Variants in HDGF observed in about 807,000 individuals in gnomAD.
The protein encoded by HDGF is hepatoma-derived growth factor.
A neutral mutation model predicts 30.0 loss-of-function variants in HDGF; 5 were observed. That is an observed-to-expected ratio of 0.17 (90% CI 0.09 to 0.35). The LOEUF is 0.35. Among genes scored for constraint, HDGF ranks in the 10% least tolerant of loss-of-function variants. The pLI is 1.00. For missense variants in HDGF, 214 were observed against 302.8 expected (o/e 0.71, Z 2.18); for synonymous variants, 133 against 112.7 (o/e 1.18, Z -1.14).
chr1:156,763,816 G>A (rs901494647), intron 1 of HDGF, among the ~76,000 whole-genome samples: 1 of 152,142 alleles, frequency 6.6e-6, no homozygotes, highest in African/African-American at 2.4e-5. Context: ...TCGAACTCCT[G>A]AGCTCAGGCA....
upstream of HDGF, chr1:156,751,914 C>T: frequency 9.8e-7 from 1 of 1,019,010 alleles, no homozygotes; most frequent in Non-Finnish European, 1.4e-6. The surrounding 1 kb of genome is among the most constrained non-coding windows in gnomAD (Gnocchi z 4.7). Flanking sequence ...AGGAGCCGAT[C>T]GCCGAGCACG....
At chr1:156,745,486 G>C (rs906005410) in intron 1 of HDGF, 113 bp from the exon 2 acceptor site, 6 of 843,034 alleles carry the variant, frequency 7.1e-6, no homozygotes, top group Non-Finnish European at 1.1e-5. Flanking sequence ...AGGGACCCAG[G>C]ATAGTCAGCA....
rs1004588025 is a variant in HDGF at position 156,745,044 on chromosome 1, G to T, written c.267C>A (p.Ile89=). The T allele has an allele frequency of 6.2e-7, 1 of 1,614,002 alleles. No individual in the cohort carries two copies. Among genetic ancestry groups the T allele is most frequent in the Non-Finnish European group, 8.5e-7 (1 of 1,180,018 alleles). Residue 89 remains isoleucine (I), a synonymous_variant, in exon 3 of 6, where the codon ATC becomes ATA. Transcript: ENST00000357325. ...RKGFSEGLWE[I]ENNPTVKASG... ...AAGCCTTGACAGTAGGGTTGTTCTC[G>T]ATCTCCCACAGCCCCTCGCTGAACC...
At chr1:156,753,005 C>T (rs1274130137), upstream of HDGF, among the ~76,000 whole-genome samples, 1 of 152,170 alleles carries the variant, frequency 6.6e-6, no homozygotes, top group Non-Finnish European at 1.5e-5. Flanking sequence ...ACTTGGACAA[C>T]CTCCTGAACT....
At chr1:156,759,377 TTACACAAATTGTGACACACCG>T (rs1463157139) in intron 1 of HDGF, among the ~76,000 whole-genome samples, 1 of 152,202 alleles carries the variant, frequency 6.6e-6, no homozygotes, top group Non-Finnish European at 1.5e-5. Context: ...ACTATTTCCT[TTACACAAATTGTGACACACCG>T]TATACACTTT....
At chr1:156,765,405 T>TTTTC (rs61168651) in intron 1 of HDGF, among the ~76,000 whole-genome samples, 5,680 of 148,842 alleles carry the variant, frequency 0.038, 421 homozygotes, top group African/African-American at 0.14. Context: ...CTTTATCCAT[T>TTTTC]TTTCTTTCTT....
chr1:156,758,020 G>A (rs1043683520), intron 2 of HDGF, among the ~76,000 whole-genome samples: 1 of 152,114 alleles, frequency 6.6e-6, no homozygotes, highest in Non-Finnish European at 1.5e-5. Context: ...AGATATGGCT[G>A]GGTGCGGTGG....
At chr1:156,763,021 A>G (rs1009976471) in intron 1 of HDGF, among the ~76,000 whole-genome samples, 2 of 152,176 alleles carry the variant, frequency 1.3e-5, no homozygotes, top group Non-Finnish European at 2.9e-5. Flanking sequence ...TGCCCAGCCA[A>G]TTACCTATGG....
intron 1 of HDGF, among the ~76,000 whole-genome samples, chr1:156,746,904 G>A (rs1021446181): frequency 5.9e-5 from 9 of 152,110 alleles, no homozygotes; most frequent in African/African-American, 2.2e-4. Flanking sequence ...GGGGCCTGGG[G>A]AGACAGGGTG....
At chr1:156,744,986 T>C in intron 3 of HDGF, 22 bp downstream of exon 3, 1 of 1,613,576 alleles carries the variant, frequency 6.2e-7, no homozygotes, top group South Asian at 1.1e-5. Flanking sequence ...CCAGGGGGTC[T>C]CTGGGGCAGG....
upstream of HDGF, chr1:156,755,790 T>G (rs74118758): frequency 1.3e-3 from 203 of 152,336 alleles, no homozygotes; most frequent in African/African-American, 3.9e-3. Context: ...GCATTCTGTG[T>G]GGAGTCAGAG....
intron 1 of HDGF, among the ~76,000 whole-genome samples, chr1:156,762,323 A>G (rs1194347497): frequency 6.6e-6 from 1 of 151,482 alleles, no homozygotes; most frequent in East Asian, 1.9e-4. Flanking sequence ...AGGCTGAGAC[A>G]GGAGGATTGC....
At chr1:156,746,653 A>G (rs1288042132) in intron 1 of HDGF, among the ~76,000 whole-genome samples, 1 of 151,994 alleles carries the variant, frequency 6.6e-6, no homozygotes, top group African/African-American at 2.4e-5. Flanking sequence ...TGGCCTCGCC[A>G]GCCTCTCCCA....
Position 156,761,233 on chromosome 1 carries a change from A to G in HDGF, n.137-2014T>C, listed in dbSNP as rs562373783. Among the ~76,000 whole-genome samples the G allele has an allele frequency of 2.0e-4, 31 of 151,812 alleles. No individual in the cohort carries two copies. The South Asian group carries it at 5.0e-3, about 24-fold the overall frequency. ...GAGGCTGAGGCAGAATTGCTTGAAC[A>G]TAGGAGGTGGAGGTTGCAGTGAGCT... On this transcript the variant is annotated intron_variant and non_coding_transcript_variant, in intron 1 of 7. Transcript: ENST00000465180.
chr1:156,751,991 T>C, upstream of HDGF: 1 of 1,525,216 alleles, frequency 6.6e-7, no homozygotes, highest in Non-Finnish European at 8.9e-7. This position sits in a 1 kb window ranked among gnomAD's most constrained non-coding sequence, Gnocchi z 4.7. Context: ...GGCGCCCGGC[T>C]GGACGGAGCG....
chr1:156,754,458 T>G (rs1314538166), upstream of HDGF, among the ~76,000 whole-genome samples: 2 of 152,178 alleles, frequency 1.3e-5, no homozygotes. Flanking sequence ...TGGTTGCAAT[T>G]TAATATTCAA....
chr1:156,754,780 C>T (rs1357644058), upstream of HDGF, among the ~76,000 whole-genome samples: 2 of 152,132 alleles, frequency 1.3e-5, no homozygotes, highest in Admixed American at 6.5e-5. Flanking sequence ...CCCGTCTCTA[C>T]TAAAAATACA....
At chr1:156,765,425 CTCTT>C (rs1443074208) in intron 1 of HDGF, among the ~76,000 whole-genome samples, 4 of 134,490 alleles carry the variant, frequency 3.0e-5, no homozygotes, top group Admixed American at 7.9e-5. Context: ...TTCTTTCTTT[CTCTT>C]TCTTTCTTTC....
upstream of HDGF, chr1:156,752,041 CG>C: frequency 6.4e-7 from 1 of 1,551,218 alleles, no homozygotes; most frequent in Non-Finnish European, 8.7e-7. Flanking sequence ...CGCTCACCAC[CG>C]CGGCCCCAGC....
Sources: allele counts gnomAD v4.1 joint callset (sites outside exome capture counted in the v4.1 genomes callset), GRCh38; gene constraint gnomAD v4.1.1; non-coding constraint Gnocchi (gnomAD v3.1); transcripts MANE v1.5; gene names NCBI Gene and HGNC (gene_info 2026-07-23, HGNC 2026-07-21).